Variants in KLHL22 observed in about 807,000 individuals in gnomAD.
The protein encoded by KLHL22 is kelch-like protein 22.
In KLHL22, 18 loss-of-function variants were observed where a neutral mutation model predicts 60.7. That is an observed-to-expected ratio of 0.30 (90% CI 0.20 to 0.44). KLHL22 has a LOEUF of 0.44. Ranked by LOEUF, KLHL22 falls within the 20% of genes least tolerant of loss-of-function variation. The probability of loss-of-function intolerance (pLI) is 1.00; values close to 1 mark genes in which losing one functional copy is unlikely to be tolerated. For synonymous variants in KLHL22, 355 were observed against 354.5 expected (o/e 1.00, Z -0.01); for missense variants, 596 against 852.3 (o/e 0.70, Z 3.74).
intron 4 of KLHL22, 99 bp from the exon 5 acceptor site, chr22:20,458,099 G>A (rs1279118801): frequency 5.8e-6 from 8 of 1,368,370 alleles, no homozygotes; most frequent in African/African-American, 1.4e-5. Flanking sequence ...CTTTGCCTCA[G>A]CCCAGCCTGA....
rs747985969 is a variant in KLHL22, at chr22:20,442,121, C to T, written c.1857G>A (p.Val619=). The T allele has an allele frequency of 1.1e-5, 16 of 1,522,488 alleles. No homozygotes were observed. The East Asian group carries it at 3.4e-4, about 33-fold the overall frequency. 94.3% of individuals were successfully genotyped at this position (1,522,488 alleles called of 1,614,324 possible). ...ACTCCTCCCAGTCAGACACACTCAT[C>T]ACCTCAGAGGCAAAGTCCGGGTCGG... ...SQADPDFASE[V]MSVSDWEEFD... is the part of the protein sequence containing the mutation. The change falls in exon 7 of 7, where the codon GTG becomes GTA. Residue 619 remains valine (V), a synonymous_variant. Coordinates refer to ENST00000328879, the MANE Select transcript of KLHL22 (RefSeq NM_032775.4).
chr22:20,488,844 T>A (rs887987943), intron 2 of KLHL22, 141 bp downstream of exon 2: 1 of 735,150 alleles, frequency 1.4e-6, no homozygotes, highest in Non-Finnish European at 2.2e-6. Flanking sequence ...CTCTCACACT[T>A]GTTGACTAAG....
intron 1 of KLHL22, among the ~76,000 whole-genome samples, chr22:20,489,561 T>C (rs1392346750): frequency 1.3e-5 from 2 of 152,154 alleles, no homozygotes; most frequent in East Asian, 3.8e-4. Flanking sequence ...CACAGGGACT[T>C]ACAACATGAC....
rs189303794 is a variant in KLHL22, at chr22:20,466,532, C to T, written c.394-956G>A. Among the ~76,000 whole-genome samples, 231 of 152,256 alleles carry T rather than the reference C, an allele frequency of 1.5e-3. 4 individuals carry two copies. The highest frequency in any genetic ancestry group is 5.3e-3 in the African/African-American group (220 of 41,546). On this transcript the variant is annotated intron_variant, in intron 3 of 6. Transcript: ENST00000328879. ...CTGGAAGAGCCTGCCTCTCCAAAAG[C>T]GCTGGGACCAGAAACAAACCTGGCT... is the stretch of plus-strand genomic sequence containing the variant.
intron 6 of KLHL22, 71 bp downstream of exon 6, chr22:20,446,372 C>A: frequency 1.1e-6 from 1 of 899,504 alleles, no homozygotes. Flanking sequence ...GATTCAATTA[C>A]ATTTTCCATC....
intron 5 of KLHL22, among the ~76,000 whole-genome samples, chr22:20,452,672 C>T (rs2052998597): frequency 6.6e-6 from 1 of 152,204 alleles, no homozygotes; most frequent in African/African-American, 2.4e-5. Flanking sequence ...TGTGATTTTA[C>T]AGTCATCTTA....
intron 5 of KLHL22, among the ~76,000 whole-genome samples, chr22:20,449,386 A>C (rs1311227022): frequency 7.0e-6 from 1 of 142,552 alleles, no homozygotes; most frequent in Admixed American, 7.2e-5. Flanking sequence ...TAATGGGGTT[A>C]TTTGCAGTAT....
intron 3 of KLHL22, among the ~76,000 whole-genome samples, chr22:20,468,395 GC>G (rs139780229): frequency 6.6e-6 from 1 of 152,306 alleles, no homozygotes; most frequent in Non-Finnish European, 1.5e-5. Flanking sequence ...ACCAGCCTGG[GC>G]TCAGGATGTG....
intron 1 of KLHL22, among the ~76,000 whole-genome samples, chr22:20,492,746 C>T (rs1444055285): frequency 8.5e-5 from 13 of 152,172 alleles, no homozygotes; most frequent in African/African-American, 2.9e-4. Flanking sequence ...TGCACCACCA[C>T]ACCCAGCTAA....
chr22:20,469,105 G>C (rs2053275882), intron 3 of KLHL22, among the ~76,000 whole-genome samples: 1 of 152,286 alleles, frequency 6.6e-6, no homozygotes, highest in East Asian at 1.9e-4. Context: ...GTGAGAGAGG[G>C]AAAGTGATGT....
At chr22:20,450,004 G>A in intron 5 of KLHL22, 1 of 595,188 alleles carries the variant, frequency 1.7e-6, no homozygotes, top group Non-Finnish European at 3.1e-6. Flanking sequence ...CCACCTGCTG[G>A]ACCCGCACCC....
chr22:20,492,297 C>A (rs1312886869), intron 1 of KLHL22, among the ~76,000 whole-genome samples: 1 of 152,044 alleles, frequency 6.6e-6, no homozygotes, highest in East Asian at 1.9e-4. Context: ...AGACAGCCAC[C>A]CTCCACTCCT....
chr22:20,451,535 A>G, intron 5 of KLHL22: 1 of 1,597,344 alleles, frequency 6.3e-7, no homozygotes, highest in Non-Finnish European at 8.6e-7. Context: ...CTGCTGAATG[A>G]CCGTATTTAT....
chr22:20,471,292 C>CCGT, intron 3 of KLHL22, 58 bp downstream of exon 3: 1 of 1,540,808 alleles, frequency 6.5e-7, no homozygotes, highest in South Asian at 1.2e-5. Context: ...GCATCATGGG[C>CCGT]ATCTCAGGGA....
chr22:20,465,958 CCT>C lies in KLHL22; in HGVS notation c.394-384_394-383del, dbSNP rs1221478660. 2.6e-5 allele frequency among the ~76,000 whole-genome samples: 4 copies of C among 151,936 alleles called. No individual in the cohort carries two copies. The highest frequency in any genetic ancestry group is 9.7e-5 in the African/African-American group (4 of 41,382). ...AGCCTCCCGTACAGAATGTTTTTAACCTCTCTAAGCCTCAGTCTCCTCATCTA... is the reference window on the plus strand; with the variant it reads ...AGCCTCCCGTACAGAATGTTTTTAACCTCTAAGCCTCAGTCTCCTCATCTA... On this transcript the variant is annotated intron_variant, in intron 3 of 6. Coordinates refer to ENST00000328879, the MANE Select transcript of KLHL22 (RefSeq NM_032775.4). The surrounding 1 kb of genome is among the most constrained non-coding windows in gnomAD (Gnocchi z 4.9).
chr22:20,451,673 G>C, intron 5 of KLHL22: 1 of 1,605,126 alleles, frequency 6.2e-7, no homozygotes, highest in Non-Finnish European at 8.5e-7. Flanking sequence ...ACAGTGCTTC[G>C]GGGGAGACTC....
chr22:20,473,496 C>T (rs1287262554), intron 2 of KLHL22, among the ~76,000 whole-genome samples: 2 of 152,148 alleles, frequency 1.3e-5, no homozygotes, highest in Admixed American at 1.3e-4. Flanking sequence ...ATGACAGCAA[C>T]ATGAAGATTA....
At chr22:20,460,045 C>T (rs1319659700) in intron 4 of KLHL22, among the ~76,000 whole-genome samples, 1 of 152,140 alleles carries the variant, frequency 6.6e-6, no homozygotes, top group African/African-American at 2.4e-5. Context: ...TGGCAGGGGA[C>T]CAGCAGTCCA....
At chr22:20,485,110 C>T (rs1161734661) in intron 2 of KLHL22, among the ~76,000 whole-genome samples, 1 of 152,110 alleles carries the variant, frequency 6.6e-6, no homozygotes, top group Middle Eastern at 3.4e-3. Flanking sequence ...TTTAAAGTAA[C>T]AGACATTGAG....
Sources: allele counts gnomAD v4.1 joint callset (sites outside exome capture counted in the v4.1 genomes callset), GRCh38; gene constraint gnomAD v4.1.1; non-coding constraint Gnocchi (gnomAD v3.1); transcripts MANE v1.5; gene names NCBI Gene and HGNC (gene_info 2026-07-23, HGNC 2026-07-21).